Variants in ADGRL2 observed in about 807,000 individuals in gnomAD.
ADGRL2 encodes the protein adhesion G protein-coupled receptor L2, also known as calcium-independent alpha-latrotoxin receptor 2.
A neutral mutation model predicts 157.4 loss-of-function variants in ADGRL2; 44 were observed. The observed-to-expected ratio is 0.28, with a 90% CI of 0.22 to 0.36. ADGRL2 has a LOEUF of 0.36. ADGRL2 is among the 10% of genes least tolerant of loss of function. The probability of loss-of-function intolerance (pLI) is 1.00; values close to 1 mark genes in which losing one functional copy is unlikely to be tolerated. For missense variants in ADGRL2, 1,510 were observed against 1,768.9 expected, an observed-to-expected ratio of 0.85 and a Z score of 2.63; for synonymous variants, 585 against 624.7, an observed-to-expected ratio of 0.94 and a Z score of 0.95.
chr1:81,421,788 G>A (rs1171393052), intron 1 of ADGRL2, among the ~76,000 whole-genome samples: 1 of 151,552 alleles, frequency 6.6e-6, no homozygotes, highest in Non-Finnish European at 1.5e-5. Flanking sequence ...CCAATTAGTT[G>A]CCTCTTTTTG....
At chr1:81,463,539 G>A (rs2077985181) in intron 2 of ADGRL2, among the ~76,000 whole-genome samples, 1 of 152,194 alleles carries the variant, frequency 6.6e-6, no homozygotes, top group Admixed American at 6.5e-5. Context: ...TGCAACTGCT[G>A]TCGGATTTCA....
intron 3 of ADGRL2, among the ~76,000 whole-genome samples, chr1:81,650,363 A>G (rs760000028): frequency 6.6e-6 from 1 of 151,518 alleles, no homozygotes; most frequent in Non-Finnish European, 1.5e-5. Context: ...CAAGGTCAAG[A>G]GATCGAGACC....
At chr1:81,799,778 G>GA (rs983708875), upstream of ADGRL2, among the ~76,000 whole-genome samples, 35 of 151,190 alleles carry the variant, frequency 2.3e-4, no homozygotes, top group Admixed American at 1.8e-3. Context: ...TTTTTTTCTT[G>GA]AAAAAAAGGT....
At chr1:81,432,327 TG>T (rs1338868942) in intron 1 of ADGRL2, among the ~76,000 whole-genome samples, 1 of 152,198 alleles carries the variant, frequency 6.6e-6, no homozygotes, top group Non-Finnish European at 1.5e-5. Flanking sequence ...AAGAGTTGGA[TG>T]TAAAATCCTT....
intron 1 of ADGRL2, among the ~76,000 whole-genome samples, chr1:81,311,954 T>A (rs1659783105): frequency 6.6e-6 from 1 of 152,106 alleles, no homozygotes; most frequent in Non-Finnish European, 1.5e-5. Flanking sequence ...TTAGGAGATT[T>A]TAAACAATTC....
chr1:81,884,677 C>T (rs182603203), intron 2 of ADGRL2, among the ~76,000 whole-genome samples: 4 of 152,180 alleles, frequency 2.6e-5, no homozygotes, highest in East Asian at 3.9e-4. Context: ...AAATATGCTA[C>T]GTAAGTGACC....
intron 2 of ADGRL2, among the ~76,000 whole-genome samples, chr1:81,510,308 G>A (rs1048704397): frequency 1.3e-5 from 2 of 152,122 alleles, no homozygotes; most frequent in Non-Finnish European, 2.9e-5. Context: ...ACAGGAACAT[G>A]CAGGTACCTC....
At chr1:81,412,145 A>G (rs904000616) in intron 1 of ADGRL2, among the ~76,000 whole-genome samples, 1 of 152,190 alleles carries the variant, frequency 6.6e-6, no homozygotes, top group Non-Finnish European at 1.5e-5. Context: ...AAGAAAGGGA[A>G]ACTGATGCAG....
At chr1:81,790,263 A>T (rs906409957) in intron 2 of ADGRL2, among the ~76,000 whole-genome samples, 9 of 152,154 alleles carry the variant, frequency 5.9e-5, no homozygotes, top group Non-Finnish European at 2.9e-5. Flanking sequence ...ATGCACGCAC[A>T]CACACACACA....
intron 2 of ADGRL2, among the ~76,000 whole-genome samples, chr1:81,512,024 C>T (rs1371479972): frequency 1.3e-5 from 2 of 151,984 alleles, no homozygotes. Context: ...TCTGTGCAAA[C>T]TTAGGATGGC....
intron 2 of ADGRL2, among the ~76,000 whole-genome samples, chr1:81,783,196 G>A (rs992941755): frequency 6.6e-6 from 1 of 152,000 alleles, no homozygotes; most frequent in South Asian, 2.1e-4. Context: ...CGATCTCAGC[G>A]CATTGCAACC....
intron 1 of ADGRL2, among the ~76,000 whole-genome samples, chr1:81,349,835 A>C (rs1346880930): frequency 6.6e-6 from 1 of 152,056 alleles, no homozygotes; most frequent in East Asian, 1.9e-4. Flanking sequence ...CCAGTTGGTA[A>C]TGTTTCATTA....
At chr1:81,592,880 G>A (rs967775092) in intron 3 of ADGRL2, among the ~76,000 whole-genome samples, 5 of 152,012 alleles carry the variant, frequency 3.3e-5, no homozygotes, top group African/African-American at 1.2e-4. Context: ...GCCTGGGCGG[G>A]GGAATGGCCC....
At chr1:81,492,696 A>ATTT (rs1177951664) in intron 2 of ADGRL2, among the ~76,000 whole-genome samples, 2 of 152,180 alleles carry the variant, frequency 1.3e-5, no homozygotes, top group Non-Finnish European at 2.9e-5. Flanking sequence ...AAAATTGGAT[A>ATTT]TAATATTCAA....
At chr1:81,745,861 G>A (rs931408050) in intron 1 of ADGRL2, among the ~76,000 whole-genome samples, 2 of 152,050 alleles carry the variant, frequency 1.3e-5, no homozygotes, top group Non-Finnish European at 2.9e-5. Context: ...TTGTAGGTGA[G>A]GTCTCAGTAA....
rs2077239529 is a variant in ADGRL2, at chr1:81,427,453, G to T, written c.-301-17583G>T. On this transcript the variant is annotated intron_variant, in intron 1 of 24. Transcript: ENST00000370721. ...GAAATTTGGTGGTGGTAACTGTGGT[G>T]GTGGTGGGAACTATAATGATTTTGG... is the stretch of plus-strand genomic sequence containing the variant. 12 of 754,314 alleles carry T rather than the reference G, an allele frequency of 1.6e-5. No homozygotes were observed. In the Admixed American group the frequency reaches 1.9e-4, roughly 12 times the overall value. The allele number at this position is 754,314 out of a possible 1,614,324, so 46.7% of individuals were successfully genotyped here. A position where few individuals can be genotyped will look rare whatever the true frequency, so the allele number is the denominator to read the frequency against.
Position 81,966,049 on chromosome 1 carries a change from C to T in ADGRL2, c.2018-9C>T, listed in dbSNP as rs764295532. ...TTTCCCCACCTCCTTTATCTTTTCC[C>T]TCATCCAGTCCTGGAAGTTGCCGTA... On this transcript the variant is annotated splice_polypyrimidine_tract_variant and intron_variant, in intron 11 of 23. Transcript: ENST00000686636. 6.2e-7 allele frequency: 1 copy of T among 1,613,120 alleles called. No homozygotes were observed. Among genetic ancestry groups the T allele is most frequent in the Non-Finnish European group, 8.5e-7 (1 of 1,179,494 alleles).
chr1:81,678,033 A>G (rs909072423), intron 3 of ADGRL2, among the ~76,000 whole-genome samples: 1 of 152,168 alleles, frequency 6.6e-6, no homozygotes, highest in Non-Finnish European at 1.5e-5. Flanking sequence ...CTGACTGTGA[A>G]CAACTATTCA....
chr1:81,885,919 G>A (rs552570718), intron 2 of ADGRL2, among the ~76,000 whole-genome samples: 170 of 152,270 alleles, frequency 1.1e-3, no homozygotes, highest in African/African-American at 3.9e-3. Context: ...GGCTTAACAT[G>A]TAGTTTTTTG....
Sources: allele counts gnomAD v4.1 joint callset (sites outside exome capture counted in the v4.1 genomes callset), GRCh38; gene constraint gnomAD v4.1.1; transcripts MANE v1.5; gene names NCBI Gene and HGNC (gene_info 2026-07-23, HGNC 2026-07-21).